TAX1BP1: variants seen among roughly 807,000 people sequenced by gnomAD.
TAX1BP1 encodes the protein Tax1 binding protein 1, also known as tax1-binding protein 1.
TAX1BP1 carries 62 observed loss-of-function variants against 97.7 expected under a neutral mutation model. The ratio of observed to expected loss-of-function variants is 0.63; its 90% CI spans 0.52 to 0.78. TAX1BP1 has a LOEUF of 0.78. Ranked by LOEUF, TAX1BP1 falls within the 30% of genes least tolerant of loss-of-function variation. The pLI is 0.00. For missense variants in TAX1BP1, 867 were observed against 916.1 expected, an observed-to-expected ratio of 0.95 and a Z score of 0.69; for synonymous variants, 340 against 304.2, an observed-to-expected ratio of 1.12 and a Z score of -1.23.
intron 15 of TAX1BP1, among the ~76,000 whole-genome samples, chr7:27,823,590 AT>A (rs1409158304): frequency 2.0e-5 from 3 of 152,228 alleles, no homozygotes; most frequent in Non-Finnish European, 4.4e-5. Flanking sequence ...CTGAGTATGT[AT>A]TGCCATAACT....
Position 27,792,013 on chromosome 7 carries a change from C to T in TAX1BP1, c.1046C>T (p.Thr349Ile). 1.9e-6 allele frequency: 3 copies of T among 1,613,752 alleles called. No homozygotes were observed. Among genetic ancestry groups the T allele is most frequent in the Non-Finnish European group, 2.5e-6 (3 of 1,179,828 alleles). The change falls in exon 9 of 17, where the codon ACT becomes ATT. Residue 349 changes from threonine (T) to isoleucine (I), a missense_variant. Thr to Ile is a moderately conservative substitution (Grantham distance 89). Around this residue, in one of 3 missense-constraint regions of TAX1BP1, gnomAD observed 822 missense variants for 851.4 expected, o/e 0.97. Coordinates refer to ENST00000396319, the MANE Select transcript of TAX1BP1 (RefSeq NM_006024.7). ...FLLTTSSKEDTCFLKEQLRKA... is the reference protein window; with the variant it reads ...FLLTTSSKEDICFLKEQLRKA... ...TTTATCTGCTTTCTTCAGGAAGATA[C>T]TTGTTTTTTAAAGGAGCAACTTCGT...
chr7:27,822,551 T>G (rs1791019006), intron 15 of TAX1BP1, among the ~76,000 whole-genome samples: 1 of 152,206 alleles, frequency 6.6e-6, no homozygotes, highest in Non-Finnish European at 1.5e-5. Flanking sequence ...GTTACTGTCT[T>G]TGTGAAATGG....
intron 13 of TAX1BP1, among the ~76,000 whole-genome samples, chr7:27,802,068 C>T (rs73075311): frequency 0.077 from 11,771 of 152,174 alleles, 653 homozygotes; most frequent in Middle Eastern, 0.12. Flanking sequence ...AGAAGTGGAG[C>T]GCGTAGTCTG....
chr7:27,770,568 T>A (rs929754304), intron 5 of TAX1BP1, among the ~76,000 whole-genome samples: 2 of 152,120 alleles, frequency 1.3e-5, no homozygotes, highest in African/African-American at 4.8e-5. Context: ...AGTATTGAGC[T>A]ATTGTTTCCT....
Position 27,785,212 on chromosome 7 carries a change from A to G in TAX1BP1, c.662A>G (p.Lys221Arg). The G allele has an allele frequency of 6.2e-7, 1 of 1,613,184 alleles. No individual in the cohort carries two copies. Among genetic ancestry groups the G allele is most frequent in the South Asian group, 1.1e-5 (1 of 90,922 alleles). ...TTAAAAATGGAAAATGAAGAGTTTA[A>G]GAAGAGGTTCAGTGATGCTACATCC... ...QSLKMENEEF[K>R]KRFSDATSKA... Residue 221 changes from lysine to arginine, a missense_variant, in exon 6 of 17, where the codon AAG becomes AGG. Coordinates refer to ENST00000396319, the MANE Select transcript of TAX1BP1 (RefSeq NM_006024.7).
intron 2 of TAX1BP1, among the ~76,000 whole-genome samples, chr7:27,755,115 A>AT (rs1416917360): frequency 6.6e-6 from 1 of 152,122 alleles, no homozygotes; most frequent in Non-Finnish European, 1.5e-5. Flanking sequence ...TAGTAACATG[A>AT]TTTTTAGAAG....
At chr7:27,780,896 T>C (rs978751204) in intron 5 of TAX1BP1, among the ~76,000 whole-genome samples, 1 of 152,140 alleles carries the variant, frequency 6.6e-6, no homozygotes, top group Non-Finnish European at 1.5e-5. Flanking sequence ...AATGAAGCAT[T>C]TTCATAGTTT....
intron 4 of TAX1BP1, 79 bp downstream of exon 4, chr7:27,766,100 T>A: frequency 1.4e-6 from 2 of 1,436,730 alleles, no homozygotes; most frequent in Non-Finnish European, 9.4e-7. Flanking sequence ...TTAAGAATTT[T>A]AAGGTTATGT....
At position 27,795,887 on chromosome 7, in the gene TAX1BP1, C is replaced by T. The variant is rs1199070185; in HGVS notation, c.1535-229C>T. Among the ~76,000 whole-genome samples, 3 of 152,190 alleles carry T rather than the reference C, an allele frequency of 2.0e-5. No homozygotes were observed. In the East Asian group the frequency reaches 5.8e-4, roughly 29 times the overall value. On this transcript the variant is annotated intron_variant, in intron 11 of 16. Transcript: ENST00000396319. ...AATTTTTAAAAAATCAAAGAATAATCCTTTATTATTGAATGCGAACTTGGT... is the reference window on the plus strand; with the variant it reads ...AATTTTTAAAAAATCAAAGAATAATTCTTTATTATTGAATGCGAACTTGGT...
intron 7 of TAX1BP1, among the ~76,000 whole-genome samples, chr7:27,787,019 T>C (rs1370448391): frequency 6.6e-6 from 1 of 152,208 alleles, no homozygotes; most frequent in Non-Finnish European, 1.5e-5. Flanking sequence ...TGAGATGTTG[T>C]TTTTGAATGC....
At chr7:27,769,634 A>G (rs1266496643) in intron 4 of TAX1BP1, 42 bp from the exon 5 acceptor site, 2 of 1,498,766 alleles carry the variant, frequency 1.3e-6, no homozygotes, top group Admixed American at 4.4e-5. Context: ...ATATTTTAGG[A>G]TTAAGCAAAA....
chr7:27,783,599 G>A (rs1244375722), intron 5 of TAX1BP1, among the ~76,000 whole-genome samples: 1 of 152,136 alleles, frequency 6.6e-6, no homozygotes, highest in African/African-American at 2.4e-5. Context: ...ACATTCAGTT[G>A]CTAGTGATTT....
intron 13 of TAX1BP1, among the ~76,000 whole-genome samples, chr7:27,806,992 GT>G (rs906300074): frequency 2.0e-5 from 3 of 152,014 alleles, no homozygotes; most frequent in Non-Finnish European, 4.4e-5. Flanking sequence ...TTATTCCTAA[GT>G]ATTTTTGTTT....
rs750200878 is a variant in TAX1BP1 at position 27,828,875 on chromosome 7, A to C, written c.*46A>C. 1.8e-5 allele frequency: 27 copies of C among 1,504,956 alleles called. No individual in the cohort carries two copies. The East Asian group carries it at 1.8e-4, about 10-fold the overall frequency. The allele number at this position is 1,504,956 out of a possible 1,614,324, so 93.2% of individuals were successfully genotyped here. A position where few individuals can be genotyped will look rare whatever the true frequency, so the allele number is the denominator to read the frequency against. ...ATATAGTTTAGCAGTAAAAAAAAAAAAAAAAACCACACCTAAAATAGACCA... is the reference window on the plus strand; with the variant it reads ...ATATAGTTTAGCAGTAAAAAAAAAACAAAAAACCACACCTAAAATAGACCA... On this transcript the variant is annotated 3_prime_UTR_variant, in exon 17 of 17. Coordinates refer to ENST00000396319, the MANE Select transcript of TAX1BP1 (RefSeq NM_006024.7).
Position 27,758,069 on chromosome 7 carries a change from A to G in TAX1BP1, c.201A>G (p.Leu67=). The stretch of plus-strand genomic sequence containing the variant: ...CTGCTCGTGATTATTACACGTTTTT[A>G]TGGTCCCCTATGCCTGAACATTATG... The part of the protein sequence containing the change: ...WSTARDYYTF[L]WSPMPEHYVE... Residue 67 remains leucine, a synonymous_variant, in exon 3 of 17, where the codon TTA becomes TTG. Coordinates refer to ENST00000396319, the MANE Select transcript of TAX1BP1 (RefSeq NM_006024.7). The G allele has an allele frequency of 1.2e-6, 2 of 1,612,094 alleles. No homozygotes were observed. The highest frequency in any genetic ancestry group is 2.2e-5 in the South Asian group (2 of 90,840).
chr7:27,742,939 A>G (rs767518569), intron 1 of TAX1BP1, among the ~76,000 whole-genome samples: 1 of 152,150 alleles, frequency 6.6e-6, no homozygotes, highest in South Asian at 2.1e-4. Flanking sequence ...CTCCTTGTAT[A>G]CTTCTTTTGG....
intron 13 of TAX1BP1, among the ~76,000 whole-genome samples, chr7:27,805,444 A>G (rs192689434): frequency 8.5e-6 from 1 of 117,116 alleles, no homozygotes; most frequent in Admixed American, 8.1e-5. Context: ...TGCTCACTAT[A>G]CTTACTTTTA....
In TAX1BP1 at chr7:27,741,859, G is replaced by A. The variant is rs377620537; in HGVS notation, c.-8+1590G>A. On this transcript the variant is annotated intron_variant, in intron 1 of 16. Coordinates refer to ENST00000396319, the MANE Select transcript of TAX1BP1 (RefSeq NM_006024.7). ...ATTTGTGGGTGTTTCTCCGAGAGGGGGCTATGTCAGGGTCACAAGACAATA... is the reference window on the plus strand; with the variant it reads ...ATTTGTGGGTGTTTCTCCGAGAGGGAGCTATGTCAGGGTCACAAGACAATA... 2.1e-4 allele frequency among the ~76,000 whole-genome samples: 32 copies of A among 152,312 alleles called. 1 individual carries two copies. The South Asian group carries it at 6.6e-3, about 32-fold the overall frequency.
chr7:27,743,495 A>C (rs180853710), intron 1 of TAX1BP1, among the ~76,000 whole-genome samples: 1 of 152,230 alleles, frequency 6.6e-6, no homozygotes, highest in East Asian at 1.9e-4. Context: ...AACACTTCTA[A>C]GGGTACAAAG....
Sources: gnomAD v4.1 joint callset for allele counts (sites outside exome capture counted in the v4.1 genomes callset) on GRCh38, gnomAD v4.1.1 for gene constraint, gnomAD v4.1.1 regional missense constraint, MANE v1.5 for transcripts, NCBI Gene and HGNC (gene_info 2026-07-23, HGNC 2026-07-21) for gene names.